BRK1: variants seen among roughly 807,000 people sequenced by gnomAD.
BRK1 encodes the protein BRICK1 subunit of SCAR/WAVE actin nucleating complex.
BRK1 carries 6 observed loss-of-function variants against 9.9 expected under a neutral mutation model. That is an observed-to-expected ratio of 0.60 (90% CI 0.33 to 1.19). BRK1 has a LOEUF of 1.19. Ranked by LOEUF, BRK1 falls within the 50% of genes most tolerant of loss-of-function variation. The probability of loss-of-function intolerance (pLI) is 0.04; values close to 1 mark genes in which losing one functional copy is unlikely to be tolerated. For missense variants in BRK1, 62 were observed against 97.5 expected (o/e 0.64, Z 1.53); for synonymous variants, 44 against 31.9 (o/e 1.38, Z -1.28).
rs779426546 is a variant in BRK1, at chr3:10,125,682, C to T, written c.175C>T (p.Arg59Trp). 7 of 1,612,480 alleles carry T rather than the reference C, an allele frequency of 4.3e-6. No individual in the cohort carries two copies. The highest frequency in any genetic ancestry group is 5.9e-6 in the Non-Finnish European group (7 of 1,179,254). ...TLNEKLTALE[R>W]RIEYIEARVT... ...AAACGAGAAATTGACAGCCCTTGAACGGAGAATAGAGTACATTGAAGCTCG... is the reference window on the plus strand; with the variant it reads ...AAACGAGAAATTGACAGCCCTTGAATGGAGAATAGAGTACATTGAAGCTCG... The change falls in exon 2 of 3, where the codon CGG (arginine) becomes TGG (tryptophan). Residue 59 changes from arginine to tryptophan, a missense_variant. Physicochemically the swap from Arg to Trp is moderately radical, Grantham distance 101. Transcript: ENST00000530758.
intron 2 of BRK1, 132 bp from the exon 3 acceptor site, chr3:10,126,137 A>G: frequency 1.6e-6 from 1 of 626,688 alleles, no homozygotes; most frequent in East Asian, 3.1e-5. Flanking sequence ...CTGGATTTGA[A>G]CCATGTTTCT....
chr3:10,123,916 G>C (rs923158771), intron 1 of BRK1, among the ~76,000 whole-genome samples: 10 of 151,006 alleles, frequency 6.6e-5, no homozygotes, highest in African/African-American at 2.4e-4. Context: ...TGTATTTTTA[G>C]TAGAGATGGG....
chr3:10,121,056 G>T (rs1335062572), intron 1 of BRK1, among the ~76,000 whole-genome samples: 1 of 152,142 alleles, frequency 6.6e-6, no homozygotes, highest in Non-Finnish European at 1.5e-5. Flanking sequence ...GGGGGATGCT[G>T]AAGTGATCAT....
At chr3:10,118,030 C>G (rs112373118) in intron 1 of BRK1, among the ~76,000 whole-genome samples, 4,521 of 152,060 alleles carry the variant, frequency 0.03, 95 homozygotes, top group African/African-American at 0.045. Flanking sequence ...CTGAGGCGAG[C>G]AGATCACCTG....
At chr3:10,118,249 C>T (rs1695712264) in intron 1 of BRK1, among the ~76,000 whole-genome samples, 1 of 100,950 alleles carries the variant, frequency 9.9e-6, no homozygotes, top group South Asian at 3.1e-4. Flanking sequence ...GAGACTCTGT[C>T]TCCAAAAAAA....
intron 2 of BRK1, 68 bp downstream of exon 2, chr3:10,125,776 A>T: frequency 8.4e-7 from 1 of 1,197,600 alleles, no homozygotes; most frequent in South Asian, 1.3e-5. Context: ...AAAAAACCTG[A>T]AAGCAGAAAC....
chr3:10,126,431 G>A lies in BRK1; in HGVS notation c.*136G>A, dbSNP rs1695841996. ...TTCTTGTTTTTCTTTTTTCAAAAGT[G>A]TGGCCTTTGGGCTCTGCCATCTGGG... On this transcript the variant is annotated 3_prime_UTR_variant, in exon 3 of 3. Transcript: ENST00000530758. 4.9e-6 allele frequency: 4 copies of A among 814,436 alleles called. No individual in the cohort carries two copies. Among genetic ancestry groups the A allele is most frequent in the Non-Finnish European group, 5.8e-6 (3 of 518,764 alleles). The allele number at this position is 814,436 out of a possible 1,614,324, so 50.5% of individuals were successfully genotyped here.
At chr3:10,121,337 A>G (rs1387023513) in intron 1 of BRK1, among the ~76,000 whole-genome samples, 2 of 152,206 alleles carry the variant, frequency 1.3e-5, no homozygotes, top group African/African-American at 4.8e-5. Flanking sequence ...AAAGTGGCAG[A>G]GTTGGGCTGG....
chr3:10,120,816 G>C, intron 1 of BRK1, among the ~76,000 whole-genome samples: 1 of 152,184 alleles, frequency 6.6e-6, no homozygotes. Flanking sequence ...TTCATTACCA[G>C]ATTGACAGCT....
At chr3:10,119,608 A>G (rs909903483) in intron 1 of BRK1, among the ~76,000 whole-genome samples, 4 of 152,296 alleles carry the variant, frequency 2.6e-5, no homozygotes, top group Admixed American at 6.5e-5. Flanking sequence ...ACTTTCTGAA[A>G]AGCATTTACC....
At chr3:10,116,926 G>T (rs139337700) in intron 1 of BRK1, among the ~76,000 whole-genome samples, 1 of 152,184 alleles carries the variant, frequency 6.6e-6, no homozygotes, top group African/African-American at 2.4e-5. Context: ...TTGTATTAAA[G>T]TATTTTCATA....
chr3:10,118,391 CTATG>C (rs1695714556), intron 1 of BRK1, among the ~76,000 whole-genome samples: 1 of 152,030 alleles, frequency 6.6e-6, no homozygotes, highest in Non-Finnish European at 1.5e-5. Flanking sequence ...GTCAGGATGA[CTATG>C]TATGGGATGT....
chr3:10,123,719 C>T (rs1197878465), intron 1 of BRK1, among the ~76,000 whole-genome samples: 1 of 125,606 alleles, frequency 8.0e-6, no homozygotes, highest in Admixed American at 8.1e-5. Flanking sequence ...AGGCCTGAGC[C>T]ACCGTGCCTG....
chr3:10,126,926 T>G lies in BRK1; in HGVS notation c.*631T>G, dbSNP rs560156910. 4 of 152,838 alleles carry G rather than the reference T, an allele frequency of 2.6e-5. No individual in the cohort carries two copies. Among genetic ancestry groups the G allele is most frequent in the African/African-American group, 9.6e-5 (4 of 41,588 alleles). 9.5% of individuals were successfully genotyped at this position (152,838 alleles called of 1,614,324 possible). On this transcript the variant is annotated 3_prime_UTR_variant, in exon 3 of 3. Transcript: ENST00000530758. The stretch of plus-strand genomic sequence containing the variant: ...TAAACTCCTCAACTTTTTATCTGAC[T>G]GCTGTGATTATGGTGGGGAGAGGAG...
chr3:10,120,551 C>T (rs546718546), intron 1 of BRK1, among the ~76,000 whole-genome samples: 1 of 152,266 alleles, frequency 6.6e-6, no homozygotes, highest in Admixed American at 6.5e-5. Context: ...AGAGAAGGAG[C>T]TGTCTGATAA....
intron 1 of BRK1, among the ~76,000 whole-genome samples, chr3:10,122,215 G>A (rs1192535305): frequency 2.0e-5 from 3 of 151,912 alleles, no homozygotes; most frequent in Non-Finnish European, 4.4e-5. Flanking sequence ...GAGCCACCGC[G>A]CCTGGCCACT....
Position 10,126,493 on chromosome 3 carries a change from C to T in BRK1, c.*198C>T, listed in dbSNP as rs1020534491. 3 of 478,366 alleles carry T rather than the reference C, an allele frequency of 6.3e-6. No homozygotes were observed. Among genetic ancestry groups the T allele is most frequent in the African/African-American group, 2.0e-5 (1 of 50,360 alleles). 29.6% of individuals were successfully genotyped at this position (478,366 alleles called of 1,614,324 possible). ...TATGTGGGAAGAAGTTCAGAGGAAC[C>T]GTTGGAAACGACGTTAGGCATTTTA... On this transcript the variant is annotated 3_prime_UTR_variant, in exon 3 of 3. Coordinates refer to ENST00000530758, the MANE Select transcript of BRK1 (RefSeq NM_018462.5).
intron 1 of BRK1, among the ~76,000 whole-genome samples, chr3:10,117,113 G>T (rs1249628976): frequency 2.0e-5 from 3 of 152,100 alleles, no homozygotes; most frequent in Non-Finnish European, 2.9e-5. Context: ...AGTTGGGCAT[G>T]GTCATGCACA....
chr3:10,117,971 T>TA (rs1277568067), intron 1 of BRK1, among the ~76,000 whole-genome samples: 1 of 152,108 alleles, frequency 6.6e-6, no homozygotes, highest in African/African-American at 2.4e-5. Context: ...GGCAAGTTCT[T>TA]AAAGATTGGC....
Sources: gnomAD v4.1 joint callset for allele counts (sites outside exome capture counted in the v4.1 genomes callset) on GRCh38, gnomAD v4.1.1 for gene constraint, MANE v1.5 for transcripts, NCBI Gene and HGNC (gene_info 2026-07-23, HGNC 2026-07-21) for gene names.